ZNF469: variants seen among roughly 807,000 people sequenced by gnomAD.
ZNF469 encodes the protein zinc finger protein 469.
ZNF469 carries 1 observed loss-of-function variant against 1.0 expected under a neutral mutation model. The observed-to-expected ratio is 1.00, with a 90% confidence interval of 0.35 to 4.73. The LOEUF (loss-of-function observed/expected upper bound fraction) is 4.73. ZNF469 is among the 30% of genes most tolerant of loss of function. ZNF469 has a pLI of 0.16. For missense variants in ZNF469, 6,100 were observed against 5,356.3 expected, an observed-to-expected ratio of 1.14 and a Z score of -4.33; for synonymous variants, 2,703 against 2,363.4, an observed-to-expected ratio of 1.14 and a Z score of -4.17.
At chr16:88,257,318 G>A in the ZNF469 span, among the ~76,000 whole-genome samples, 41 of 141,956 alleles carry the variant, frequency 2.9e-4, no homozygotes, top group African/African-American at 8.6e-4. Context: ...TTGGTGAGGC[G>A]TCATTTAAGA....
the ZNF469 span, among the ~76,000 whole-genome samples, chr16:88,301,687 G>C: frequency 2.6e-5 from 4 of 152,236 alleles, no homozygotes; most frequent in Non-Finnish European, 5.9e-5. Context: ...TGCCGTCCCT[G>C]TGGGCACCAC....
the ZNF469 span, among the ~76,000 whole-genome samples, chr16:88,356,564 G>T: frequency 6.6e-6 from 1 of 152,130 alleles, no homozygotes; most frequent in African/African-American, 2.4e-5. Context: ...CTGTGTGCGT[G>T]TGGGCATACA....
chr16:88,399,853 C>G lies in ZNF469; in HGVS notation c.-192+16599C>G, dbSNP rs532085306. On this transcript the variant is annotated intron_variant, in intron 1 of 2. Coordinates refer to ENST00000565624, the MANE Select transcript of ZNF469 (RefSeq NM_001367624.2). The stretch of plus-strand genomic sequence containing the variant: ...CCTGGGACAGCAGCCAGGACGGCAG[C>G]CCCTCTGCCAGGTGCTCCTCCGCAG... 1.6e-3 allele frequency among the ~76,000 whole-genome samples: 249 copies of G among 152,366 alleles called. 1 individual carries two copies. The highest frequency in any genetic ancestry group is 4.0e-3 in the African/African-American group (166 of 41,592).
the ZNF469 span, among the ~76,000 whole-genome samples, chr16:88,256,895 C>CTTTCTCTCTTTCT: frequency 1.4e-4 from 7 of 51,430 alleles, no homozygotes; most frequent in African/African-American, 4.8e-4. Context: ...CTTTTCTTTC[C>CTTTCTCTCTTTCT]TTCTTTCTTT....
chr16:88,393,175 G>C (rs1277131763), intron 1 of ZNF469, among the ~76,000 whole-genome samples: 8 of 152,278 alleles, frequency 5.3e-5, no homozygotes, highest in Non-Finnish European at 1.0e-4. Flanking sequence ...ACCAGCCCGT[G>C]TGCATTCCTG....
chr16:88,143,932 A>G, the ZNF469 span, among the ~76,000 whole-genome samples: 1 of 152,078 alleles, frequency 6.6e-6, no homozygotes, highest in Non-Finnish European at 1.5e-5. Flanking sequence ...TCGCAAGGAC[A>G]CCGAGAGCCC....
the ZNF469 span, among the ~76,000 whole-genome samples, chr16:88,347,602 G>C: frequency 6.6e-6 from 1 of 152,194 alleles, no homozygotes; most frequent in Non-Finnish European, 1.5e-5. Flanking sequence ...TGTGATACTT[G>C]GTTATCATGG....
In ZNF469 at chr16:88,429,896, A is replaced by G; in HGVS notation, c.2426A>G (p.Asp809Gly). The G allele has an allele frequency of 1.9e-6, 3 of 1,550,068 alleles. No homozygotes were observed. Among genetic ancestry groups the G allele is most frequent in the Non-Finnish European group, 2.6e-6 (3 of 1,146,866 alleles). The change falls in exon 3 of 3, where the codon GAC becomes GGC. Residue 809 changes from aspartate to glycine, a missense_variant. Asp to Gly is a moderately conservative substitution (Grantham distance 94). Coordinates refer to ENST00000565624, the MANE Select transcript of ZNF469 (RefSeq NM_001367624.2). ...GGGGACGCCCAGGCCGAGGGCAAAG[A>G]CGACCCCCTGAGGACAGGCTTCCTG... Reference protein sequence around the residue: ...LAGDAQAEGKDDPLRTGFLPS... With the variant: ...LAGDAQAEGKGDPLRTGFLPS...
At chr16:88,333,640 G>A in the ZNF469 span, among the ~76,000 whole-genome samples, 1 of 152,318 alleles carries the variant, frequency 6.6e-6, no homozygotes, top group East Asian at 1.9e-4. Flanking sequence ...CAAAGGTGGG[G>A]CATGAAGGCA....
the ZNF469 span, among the ~76,000 whole-genome samples, chr16:88,364,427 C>T: frequency 7.6e-6 from 1 of 130,750 alleles, no homozygotes; most frequent in Non-Finnish European, 1.5e-5. Flanking sequence ...TTTTGTCTGG[C>T]TATTATTGTT....
the ZNF469 span, among the ~76,000 whole-genome samples, chr16:88,365,562 G>A: frequency 5.0e-4 from 76 of 152,278 alleles, no homozygotes; most frequent in African/African-American, 1.5e-3. Flanking sequence ...CCCTGGAGCC[G>A]GCCAGCAGAA....
the ZNF469 span, among the ~76,000 whole-genome samples, chr16:88,184,333 C>T: frequency 9.9e-5 from 15 of 152,240 alleles, no homozygotes; most frequent in Middle Eastern, 3.4e-3. Context: ...AGCAGTGCAG[C>T]CCCTGCTAAC....
At chr16:88,291,749 G>A in the ZNF469 span, among the ~76,000 whole-genome samples, 1 of 152,072 alleles carries the variant, frequency 6.6e-6, no homozygotes, top group South Asian at 2.1e-4. Context: ...AAAGGAAATG[G>A]AGCCGCCATA....
At chr16:88,163,487 AGGATGGATGAATGGATGGAT>A in the ZNF469 span, among the ~76,000 whole-genome samples, 20 of 139,094 alleles carry the variant, frequency 1.4e-4, 1 homozygote, top group South Asian at 1.5e-3. Flanking sequence ...TGGACAGAGA[AGGATGGATGAATGGATGGAT>A]GGATGGATGG....
chr16:88,430,458 C>T lies in ZNF469; in HGVS notation c.2988C>T (p.Arg996=), dbSNP rs1368549841. 4 of 1,481,842 alleles carry T rather than the reference C, an allele frequency of 2.7e-6. No individual in the cohort carries two copies. Among genetic ancestry groups the T allele is most frequent in the African/African-American group, 1.4e-5 (1 of 68,982 alleles). 91.8% of individuals were successfully genotyped at this position (1,481,842 alleles called of 1,614,324 possible). ...AGCGGCCCCCACCCCGTCCCCGGCG[C>T]CCTAGAACGCAGGCCCCCGGGAGCC... ...LGERPPPRPR[R]PRTQAPGSRA... is the part of the protein sequence containing the mutation. The change falls in exon 3 of 3, where the codon CGC becomes CGT. Residue 996 remains arginine, a synonymous_variant. Coordinates refer to ENST00000565624, the MANE Select transcript of ZNF469 (RefSeq NM_001367624.2).
chr16:88,166,046 C>T, the ZNF469 span, among the ~76,000 whole-genome samples: 1 of 152,254 alleles, frequency 6.6e-6, no homozygotes, highest in African/African-American at 2.4e-5. The surrounding 1 kb of genome is among the most constrained non-coding windows in gnomAD (Gnocchi z 4.5). Context: ...CCACTGAGGC[C>T]CACGCCAGTG....
the ZNF469 span, among the ~76,000 whole-genome samples, chr16:88,353,354 G>A: frequency 4.3e-4 from 66 of 152,188 alleles, no homozygotes; most frequent in African/African-American, 1.5e-3. Context: ...CTCAGAGGGC[G>A]GGACAGTGTC....
chr16:88,331,256 C>CACCA, the ZNF469 span, among the ~76,000 whole-genome samples: 3 of 151,880 alleles, frequency 2.0e-5, no homozygotes, highest in Non-Finnish European at 4.4e-5. Context: ...TCGTCACCAT[C>CACCA]ACCATCACCT....
At chr16:88,321,575 A>T in the ZNF469 span, among the ~76,000 whole-genome samples, 3 of 148,872 alleles carry the variant, frequency 2.0e-5, no homozygotes, top group East Asian at 6.0e-4. Flanking sequence ...TGGCCCTCGG[A>T]TTCTGCTCAT....
Sources: gnomAD v4.1 joint callset for allele counts (sites outside exome capture counted in the v4.1 genomes callset) on GRCh38, gnomAD v4.1.1 for gene constraint, Gnocchi (gnomAD v3.1) non-coding constraint, MANE v1.5 for transcripts, NCBI Gene and HGNC (gene_info 2026-07-23, HGNC 2026-07-21) for gene names.